Variants in CASP8 observed in about 807,000 individuals in gnomAD.
The protein encoded by CASP8 is caspase 8.
CASP8 carries 24 observed loss-of-function variants against 46.3 expected under a neutral mutation model. The ratio of observed to expected loss-of-function variants is 0.52; its 90% CI spans 0.38 to 0.73. The LOEUF (loss-of-function observed/expected upper bound fraction) is 0.73. Among genes scored for constraint, CASP8 ranks in the 30% least tolerant of loss-of-function variants. The probability of loss-of-function intolerance (pLI) is 0.00; values close to 1 mark genes in which losing one functional copy is unlikely to be tolerated. For missense variants in CASP8, 460 were observed against 559.0 expected, an observed-to-expected ratio of 0.82 and a Z score of 1.79; for synonymous variants, 188 against 200.4, an observed-to-expected ratio of 0.94 and a Z score of 0.52.
chr2:201,271,469 A>G, intron 2 of CASP8, 47 bp from the exon 3 acceptor site: 1 of 1,178,012 alleles, frequency 8.5e-7, no homozygotes, highest in Non-Finnish European at 1.3e-6. Flanking sequence ...TCAAATGGGA[A>G]ATTATTTGGG....
chr2:201,261,981 C>T (rs547375829), intron 1 of CASP8: 1 of 152,268 alleles, frequency 6.6e-6, no homozygotes, highest in Admixed American at 6.5e-5. Context: ...CTTTGTGAGG[C>T]TCTAACCCCC....
At chr2:201,268,424 G>A (rs990156388) in intron 2 of CASP8, among the ~76,000 whole-genome samples, 2 of 152,078 alleles carry the variant, frequency 1.3e-5, no homozygotes, top group Non-Finnish European at 2.9e-5. Context: ...GGCGGCTCAC[G>A]CCTGTAATCC....
chr2:201,237,782 C>T (rs1311448253), intron 2 of CASP8, among the ~76,000 whole-genome samples: 1 of 152,166 alleles, frequency 6.6e-6, no homozygotes, highest in Non-Finnish European at 1.5e-5. Context: ...CAGGAATTAA[C>T]GTTGAGCCTA....
intron 7 of CASP8, chr2:201,281,995 G>C: frequency 5.8e-6 from 1 of 173,858 alleles, no homozygotes; most frequent in Non-Finnish European, 8.2e-6. Flanking sequence ...GGGGGATTTG[G>C]CAGGGTCACA....
chr2:201,250,493 G>A (rs1052012167), intron 2 of CASP8, among the ~76,000 whole-genome samples: 7 of 152,210 alleles, frequency 4.6e-5, no homozygotes, highest in South Asian at 4.1e-4. Context: ...AAGGGGGAGC[G>A]AGACATCTCA....
chr2:201,261,466 C>G (rs1947403038), intron 1 of CASP8, among the ~76,000 whole-genome samples: 2 of 151,408 alleles, frequency 1.3e-5, no homozygotes, highest in African/African-American at 2.4e-5. Context: ...ACTAGATAGA[C>G]ACAATCAGAG....
intron 2 of CASP8, among the ~76,000 whole-genome samples, chr2:201,249,087 C>A (rs1490692126): frequency 6.6e-6 from 1 of 152,124 alleles, no homozygotes; most frequent in African/African-American, 2.4e-5. Flanking sequence ...AGGTGGGGGT[C>A]TTGCCATGTT....
intron 2 of CASP8, among the ~76,000 whole-genome samples, chr2:201,253,197 C>T (rs1329102535): frequency 6.6e-6 from 1 of 151,026 alleles, no homozygotes; most frequent in African/African-American, 2.4e-5. Context: ...GTATGTTGCC[C>T]AGGCTGATCT....
rs2125292256 is a variant in CASP8, at chr2:201,274,930, A to G, written c.637A>G (p.Arg213Gly). The change falls in exon 6 of 9, where the codon AGA becomes GGA. Residue 213 changes from arginine (R) to glycine (G), a missense_variant. Coordinates refer to ENST00000673742, the MANE Select transcript of CASP8 (RefSeq NM_001372051.1). ...CGVMTISDSP[R>G]EQDSESQTLD... ...GGTAATGACAATCTCGGACTCTCCA[A>G]GAGAACAGGATAGTGAATCACAGGT... The G allele has an allele frequency of 6.2e-7, 1 of 1,613,102 alleles. No homozygotes were observed. Among genetic ancestry groups the G allele is most frequent in the Non-Finnish European group, 8.5e-7 (1 of 1,179,204 alleles).
chr2:201,252,660 C>G (rs537708455), intron 2 of CASP8, among the ~76,000 whole-genome samples: 148 of 152,250 alleles, frequency 9.7e-4, no homozygotes, highest in African/African-American at 3.5e-3. Flanking sequence ...ACATCTGGTC[C>G]CCCACAACAA....
chr2:201,282,185 T>A lies in CASP8; in HGVS notation c.803-2631T>A, dbSNP rs1174871893. On this transcript the variant is annotated intron_variant, in intron 7 of 8. Coordinates refer to ENST00000673742, the MANE Select transcript of CASP8 (RefSeq NM_001372051.1). ...AGCATCTGTTTAACAAAGCACATCT[T>A]GCACCGCCCTTAATCCATTTAACCC... 2.6e-3 allele frequency among the ~76,000 whole-genome samples: 134 copies of A among 50,626 alleles called. 1 individual carries two copies. The highest frequency in any genetic ancestry group is 8.6e-3 in the African/African-American group (125 of 14,454). The allele number at this position is 50,626 out of a possible 152,430, so 33.2% of individuals were successfully genotyped here.
chr2:201,238,505 A>G (rs901640342), intron 2 of CASP8, among the ~76,000 whole-genome samples: 8 of 151,184 alleles, frequency 5.3e-5, no homozygotes, highest in Admixed American at 4.0e-4. Flanking sequence ...GCAGTGGCGT[A>G]ATCTTGGCTC....
chr2:201,273,476 C>G (rs1243032493), intron 5 of CASP8, among the ~76,000 whole-genome samples: 1 of 151,982 alleles, frequency 6.6e-6, no homozygotes, highest in Non-Finnish European at 1.5e-5. Flanking sequence ...TTCTCCTTGA[C>G]GTGCTGCTCA....
chr2:201,253,858 G>A (rs190271833), intron 2 of CASP8, among the ~76,000 whole-genome samples: 15 of 152,076 alleles, frequency 9.9e-5, no homozygotes, highest in African/African-American at 2.2e-4. Context: ...GAGGTGGGTC[G>A]ATCACCTAAG....
At chr2:201,286,413 T>C in intron 8 of CASP8, 46 bp from the exon 9 acceptor site, 1 of 1,600,248 alleles carries the variant, frequency 6.2e-7, no homozygotes, top group Non-Finnish European at 8.6e-7. Context: ...AGTTCATCAG[T>C]TGCTTTCCCC....
chr2:201,285,249 C>T lies in CASP8; in HGVS notation c.1236C>T (p.Tyr412=), dbSNP rs2125490135. Residue 412 remains tyrosine (Y), a synonymous_variant, in exon 8 of 9, where the codon TAC becomes TAT. Transcript: ENST00000673742. ...CCACTGTGAATAACTGTGTTTCCTA[C>T]CGAAACCCTGCAGAGGGAACCTGGT... ...GMATVNNCVS[Y]RNPAEGTWYI... 1.9e-6 allele frequency: 3 copies of T among 1,614,168 alleles called. No individual in the cohort carries two copies. Among genetic ancestry groups the T allele is most frequent in the Non-Finnish European group, 2.5e-6 (3 of 1,180,026 alleles).
chr2:201,254,560 T>C (rs961886417), intron 2 of CASP8, among the ~76,000 whole-genome samples: 5 of 152,210 alleles, frequency 3.3e-5, no homozygotes, highest in African/African-American at 7.2e-5. Context: ...AACTCCCACA[T>C]TGGCAACAAA....
In CASP8 at chr2:201,271,599, A is replaced by G. The variant is rs1021046927; in HGVS notation, c.389A>G (p.Lys130Arg). The G allele has an allele frequency of 1.3e-6, 2 of 1,596,058 alleles. No individual in the cohort carries two copies. Among genetic ancestry groups the G allele is most frequent in the Non-Finnish European group, 1.7e-6 (2 of 1,163,460 alleles). The change falls in exon 3 of 9, where the codon AAA (lysine) becomes AGA (arginine). Residue 130 changes from lysine to arginine, a missense_variant. Transcript: ENST00000673742. ...TTTCTTTTGCAAGAGGAAATCTCCA[A>G]ATGCAAACTGGATGATGACATGGTA... ...FKFLLQEEISKCKLDDDMNLL... is the reference protein window; with the variant it reads ...FKFLLQEEISRCKLDDDMNLL...
chr2:201,271,069 G>A (rs772337754), intron 2 of CASP8, among the ~76,000 whole-genome samples: 62 of 152,118 alleles, frequency 4.1e-4, no homozygotes, highest in Non-Finnish European at 7.9e-4. Flanking sequence ...GGATGTATTC[G>A]GAGACTTTGT....
Sources: gnomAD v4.1 joint callset for allele counts (sites outside exome capture counted in the v4.1 genomes callset) on GRCh38, gnomAD v4.1.1 for gene constraint, MANE v1.5 for transcripts, NCBI Gene and HGNC (gene_info 2026-07-23, HGNC 2026-07-21) for gene names.